The following FKBP5 variants were observed in gnomAD, a reference collection of about 807,000 sequenced individuals.
FKBP5 encodes the protein FKBP prolyl isomerase 5, also known as peptidyl-prolyl cis-trans isomerase FKBP5.
A neutral mutation model predicts 50.5 loss-of-function variants in FKBP5; 23 were observed. That is an observed-to-expected ratio of 0.46 (90% confidence interval 0.33 to 0.65). FKBP5 has a LOEUF of 0.65. Among genes scored for constraint, FKBP5 ranks in the 30% least tolerant of loss-of-function variants. The pLI is 0.02. For missense variants in FKBP5, 411 were observed against 553.1 expected, an observed-to-expected ratio of 0.74 and a Z score of 2.58; for synonymous variants, 176 against 190.6, an observed-to-expected ratio of 0.92 and a Z score of 0.63.
At chr6:35,718,488 A>G (rs1416306026) in intron 2 of FKBP5, among the ~76,000 whole-genome samples, 1 of 152,180 alleles carries the variant, frequency 6.6e-6, no homozygotes, top group African/African-American at 2.4e-5. Context: ...GGGCTGAATC[A>G]GGGATCCCTG....
chr6:35,687,895 G>A (rs1324321678), intron 1 of FKBP5, among the ~76,000 whole-genome samples: 2 of 152,220 alleles, frequency 1.3e-5, no homozygotes, highest in Non-Finnish European at 2.9e-5. Context: ...TTCGTTAATC[G>A]AAGAAAGCCA....
chr6:35,672,789 G>C (rs1046154345), intron 1 of FKBP5, among the ~76,000 whole-genome samples: 5 of 151,934 alleles, frequency 3.3e-5, no homozygotes, highest in Non-Finnish European at 7.4e-5. Context: ...AAATTAGCTG[G>C]CGTAGTGGCA....
intron 1 of FKBP5, among the ~76,000 whole-genome samples, chr6:35,671,763 CATTTAAAAAAT>C (rs1765394125): frequency 6.6e-6 from 1 of 151,762 alleles, no homozygotes; most frequent in Non-Finnish European, 1.5e-5. Context: ...CATAAGAAAA[CATTTAAAAAAT>C]AGAAACAGAA....
chr6:35,644,942 T>C (rs761587307), intron 1 of FKBP5, among the ~76,000 whole-genome samples: 2 of 152,072 alleles, frequency 1.3e-5, no homozygotes, highest in Non-Finnish European at 2.9e-5. Flanking sequence ...ACTGAACAAA[T>C]GAAAACCACC....
intron 8 of FKBP5, chr6:35,582,853 G>A: frequency 1.0e-6 from 1 of 980,770 alleles, no homozygotes; most frequent in South Asian, 4.7e-5. Context: ...GAATATTCAG[G>A]GTTTAGCACC....
chr6:35,707,746 C>T (rs887173562), intron 2 of FKBP5, among the ~76,000 whole-genome samples: 4 of 152,062 alleles, frequency 2.6e-5, no homozygotes, highest in African/African-American at 4.8e-5. Context: ...CTGTTGTTCC[C>T]CTCTTTGTGT....
intron 1 of FKBP5, among the ~76,000 whole-genome samples, chr6:35,655,148 C>T (rs1399389922): frequency 1.3e-5 from 2 of 151,846 alleles, no homozygotes; most frequent in African/African-American, 4.8e-5. Context: ...ATAGTGAGAC[C>T]CCATGTCTAA....
At chr6:35,707,512 C>T (rs967590959) in intron 2 of FKBP5, among the ~76,000 whole-genome samples, 3 of 152,148 alleles carry the variant, frequency 2.0e-5, no homozygotes, top group East Asian at 1.9e-4. Flanking sequence ...TGAGCCACCG[C>T]GCCCGGCCAT....
intron 1 of FKBP5, among the ~76,000 whole-genome samples, chr6:35,663,105 A>T (rs1765116281): frequency 6.6e-6 from 1 of 152,220 alleles, no homozygotes; most frequent in Non-Finnish European, 1.5e-5. Flanking sequence ...TAAGCAGCTT[A>T]AGTGCAAAGT....
intron 5 of FKBP5, among the ~76,000 whole-genome samples, chr6:35,598,841 CGT>C (rs1763061183): frequency 6.6e-6 from 1 of 152,066 alleles, no homozygotes; most frequent in East Asian, 1.9e-4. Context: ...TGTGGTGGCA[CGT>C]GCCTGTAATC....
chr6:35,718,290 G>A (rs1039569964), intron 2 of FKBP5, among the ~76,000 whole-genome samples: 17 of 152,228 alleles, frequency 1.1e-4, no homozygotes, highest in African/African-American at 3.9e-4. Context: ...TCCTCTGCAA[G>A]CTGCCTCCCG....
At chr6:35,583,666 G>T in intron 8 of FKBP5, 1 of 892,516 alleles carries the variant, frequency 1.1e-6, no homozygotes, top group Non-Finnish European at 1.3e-6. Flanking sequence ...ATGGGCAGAG[G>T]CCAGGAATGC....
At chr6:35,586,354 T>C in intron 8 of FKBP5, 5 of 985,264 alleles carry the variant, frequency 5.1e-6, no homozygotes, top group Non-Finnish European at 6.0e-6. Flanking sequence ...TAAAAGCAAG[T>C]GTGCAGGAAT....
At chr6:35,666,382 T>C (rs1391454864) in intron 1 of FKBP5, among the ~76,000 whole-genome samples, 1 of 28,916 alleles carries the variant, frequency 3.5e-5, no homozygotes, top group Non-Finnish European at 8.0e-5. Flanking sequence ...GCAGAAACAC[T>C]ACTATTATAG....
At chr6:35,675,269 T>A (rs1178233717) in intron 1 of FKBP5, among the ~76,000 whole-genome samples, 1 of 152,258 alleles carries the variant, frequency 6.6e-6, no homozygotes, top group African/African-American at 2.4e-5. Flanking sequence ...TACTCTAGGC[T>A]GGGTGTGGTG....
intron 5 of FKBP5, among the ~76,000 whole-genome samples, chr6:35,609,520 A>T (rs1436894238): frequency 6.6e-6 from 1 of 151,522 alleles, no homozygotes. Context: ...GTGAAAAACC[A>T]CTCCTTCCTC....
chr6:35,654,771 T>C (rs1025101575), intron 1 of FKBP5, among the ~76,000 whole-genome samples: 1 of 152,132 alleles, frequency 6.6e-6, no homozygotes, highest in South Asian at 2.1e-4. Context: ...ATTACAGGCA[T>C]GCGCCACCAC....
intron 5 of FKBP5, among the ~76,000 whole-genome samples, chr6:35,616,837 A>G (rs1404985859): frequency 2.0e-5 from 3 of 152,196 alleles, no homozygotes; most frequent in Non-Finnish European, 4.4e-5. Context: ...GAAATTTTTC[A>G]TAAGAAAAAT....
chr6:35,600,221 T>C (rs1763103215), intron 5 of FKBP5, among the ~76,000 whole-genome samples: 1 of 152,122 alleles, frequency 6.6e-6, no homozygotes, highest in Admixed American at 6.6e-5. Context: ...ACATGCATAC[T>C]AGAGAGGTTC....
Sources: gnomAD v4.1 joint callset for allele counts (sites outside exome capture counted in the v4.1 genomes callset) on GRCh38, gnomAD v4.1.1 for gene constraint, MANE v1.5 for transcripts, NCBI Gene and HGNC (gene_info 2026-07-23, HGNC 2026-07-21) for gene names.